The following BAG2 variants were observed in gnomAD, a reference collection of about 807,000 sequenced individuals.
BAG2 encodes the protein BAG family molecular chaperone regulator 2.
Under a neutral mutation model 16.4 loss-of-function variants are expected in BAG2, and 8 were observed. The observed-to-expected ratio is 0.49, with a 90% CI of 0.29 to 0.88. The LOEUF (loss-of-function observed/expected upper bound fraction) is 0.88. BAG2 is among the 40% of genes least tolerant of loss of function. The probability of loss-of-function intolerance (pLI) is 0.09; values close to 1 mark genes in which losing one functional copy is unlikely to be tolerated. For missense variants in BAG2, 218 were observed against 248.9 expected (o/e 0.88, Z 0.84); for synonymous variants, 82 against 89.2 (o/e 0.92, Z 0.46).
chr6:57,173,461 G>A (rs1445097419), intron 1 of BAG2: 2 of 985,210 alleles, frequency 2.0e-6, no homozygotes, highest in African/African-American at 1.7e-5. Context: ...TTCGTCTCTC[G>A]GTATTTATTG....
intron 1 of BAG2, chr6:57,173,315 C>T: frequency 1.0e-6 from 1 of 985,436 alleles, no homozygotes; most frequent in Non-Finnish European, 1.2e-6. Flanking sequence ...AAAACAAAAC[C>T]AACCCAGCAA....
chr6:57,174,862 A>G (rs1333319873), intron 1 of BAG2, among the ~76,000 whole-genome samples: 1 of 152,230 alleles, frequency 6.6e-6, no homozygotes, highest in Non-Finnish European at 1.5e-5. Flanking sequence ...AAAGTAGTGT[A>G]ACTGTGTAGA....
At chr6:57,173,245 G>T (rs765280955) in intron 1 of BAG2, 25 of 986,220 alleles carry the variant, frequency 2.5e-5, no homozygotes, top group Non-Finnish European at 3.0e-5. Context: ...AAGGGAGGCA[G>T]CAGTTTACAG....
rs201626560 is a variant in BAG2, at chr6:57,182,888, T to C, written c.223+747T>C. ...CTGGTCTCAAACTCCTGACCTCAGGTGATCCGCCTGCCTCAGCCTCCCAAA... is the reference window on the plus strand; with the variant it reads ...CTGGTCTCAAACTCCTGACCTCAGGCGATCCGCCTGCCTCAGCCTCCCAAA... On this transcript the variant is annotated intron_variant, in intron 2 of 2. Coordinates refer to ENST00000370693, the MANE Select transcript of BAG2 (RefSeq NM_004282.4). Among the ~76,000 whole-genome samples, 20 of 152,208 alleles carry C rather than the reference T, an allele frequency of 1.3e-4. No homozygotes were observed. The East Asian group carries it at 3.9e-3, about 29-fold the overall frequency.
chr6:57,188,267 A>ATTAT lies in BAG2; in HGVS notation c.*4080_*4083dup, dbSNP rs1281797060. On this transcript the variant is annotated 3_prime_UTR_variant, in exon 3 of 3. Coordinates refer to ENST00000370693, the MANE Select transcript of BAG2 (RefSeq NM_004282.4). ...CATGGCTGACTTTCAGGCCTACTTA[A>ATTAT]TTATTTTAAATGACTAATTATGGTT... is the stretch of plus-strand genomic sequence containing the variant. 5 of 152,262 alleles carry ATTAT rather than the reference A, an allele frequency of 3.3e-5. No homozygotes were observed. The highest frequency in any genetic ancestry group is 3.3e-4 in the Admixed American group (5 of 15,306). 9.4% of individuals were successfully genotyped at this position (152,262 alleles called of 1,614,324 possible). A position where few individuals can be genotyped will look rare whatever the true frequency, so the allele number is the denominator to read the frequency against.
At chr6:57,181,931 G>A in intron 1 of BAG2, 101 bp from the exon 2 acceptor site, 1 of 969,348 alleles carries the variant, frequency 1.0e-6, no homozygotes, top group Non-Finnish European at 1.5e-6. Flanking sequence ...TGAAAAGTTT[G>A]GTGATCTTTA....
At position 57,184,377 on chromosome 6, in the gene BAG2, A is replaced by T. The variant is rs1764560490; in HGVS notation, c.*187A>T. On this transcript the variant is annotated 3_prime_UTR_variant, in exon 3 of 3. Transcript: ENST00000370693. ...TAACAAAACTAGCAATATTTTAATT[A>T]TCTATCTAGAGATTTTTTAGATTGA... 2.1e-6 allele frequency: 1 copy of T among 477,372 alleles called. No homozygotes were observed. Among genetic ancestry groups the T allele is most frequent in the African/African-American group, 2.0e-5 (1 of 49,796 alleles). The allele number at this position is 477,372 out of a possible 1,614,324, so 29.6% of individuals were successfully genotyped here.
rs1319661500 is a variant in BAG2 at position 57,188,909 on chromosome 6, G to C, written c.*4719G>C. 2 of 152,034 alleles carry C rather than the reference G, an allele frequency of 1.3e-5. No homozygotes were observed. The highest frequency in any genetic ancestry group is 1.9e-4 in the East Asian group (1 of 5,202). The allele number at this position is 152,034 out of a possible 1,614,324, so 9.4% of individuals were successfully genotyped here. A position where few individuals can be genotyped will look rare whatever the true frequency, so the allele number is the denominator to read the frequency against. The stretch of plus-strand genomic sequence containing the variant: ...ACATTAGGAGGATGAGGGGAGTACA[G>C]ATGGAAAAACAAAAGATAAAACACA... On this transcript the variant is annotated 3_prime_UTR_variant, in exon 3 of 3. Coordinates refer to ENST00000370693, the MANE Select transcript of BAG2 (RefSeq NM_004282.4).
Position 57,183,880 on chromosome 6 carries a change from C to T in BAG2, c.326C>T (p.Ser109Phe). Reference sequence around the variant, plus strand: ...ATTAGAAACCCCCAGCAGCAAGAATCCCTAAAGCATGCCACAAGGATTATT... The same window carrying T: ...ATTAGAAACCCCCAGCAGCAAGAATTCCTAAAGCATGCCACAAGGATTATT... The part of the protein sequence containing the change: ...ETIRNPQQQE[S>F]LKHATRIIDE... The change falls in exon 3 of 3, where the codon TCC becomes TTC. Residue 109 changes from serine (S) to phenylalanine (F), a missense_variant. Ser to Phe is a radical substitution (Grantham distance 155, BLOSUM62 -2). This residue lies in a region of BAG2 where 113 missense variants were observed against 128.0 expected (regional missense o/e 0.88). Transcript: ENST00000370693. 1 of 1,614,126 alleles carries T rather than the reference C, an allele frequency of 6.2e-7. No homozygotes were observed.
rs1483803148 is a variant in BAG2, at chr6:57,172,628, C to T, written c.-70C>T. The stretch of plus-strand genomic sequence containing the variant: ...CGTGGTGACGGCGACGCCTGCAGCC[C>T]AAGGAGCGCTCCACTCGCTGCCGCC... On this transcript the variant is annotated 5_prime_UTR_variant, in exon 1 of 3. Coordinates refer to ENST00000370693, the MANE Select transcript of BAG2 (RefSeq NM_004282.4). 1.4e-5 allele frequency: 19 copies of T among 1,323,998 alleles called. No individual in the cohort carries two copies. Among genetic ancestry groups the T allele is most frequent in the Admixed American group, 3.1e-5 (1 of 32,708 alleles). The allele number at this position is 1,323,998 out of a possible 1,614,324, so 82.0% of individuals were successfully genotyped here. A position where few individuals can be genotyped will look rare whatever the true frequency, so the allele number is the denominator to read the frequency against.
Position 57,188,923 on chromosome 6 carries a change from A to AGAT in BAG2, c.*4734_*4736dup, listed in dbSNP as rs1446738272. 1.3e-5 allele frequency: 2 copies of AGAT among 152,322 alleles called. No homozygotes were observed. The highest frequency in any genetic ancestry group is 1.9e-4 in the East Asian group (1 of 5,190). The allele number at this position is 152,322 out of a possible 1,614,324, so 9.4% of individuals were successfully genotyped here. On this transcript the variant is annotated 3_prime_UTR_variant, in exon 3 of 3. Coordinates refer to ENST00000370693, the MANE Select transcript of BAG2 (RefSeq NM_004282.4). ...AGGGGAGTACAGATGGAAAAACAAA[A>AGAT]GATAAAACACAAAAGGAGTACATAA...
In BAG2 at chr6:57,184,209, T is replaced by C. The variant is rs1478895919; in HGVS notation, c.*19T>C. The C allele has an allele frequency of 1.3e-6, 2 of 1,519,146 alleles. No homozygotes were observed. Among genetic ancestry groups the C allele is most frequent in the Non-Finnish European group, 1.8e-6 (2 of 1,141,990 alleles). The allele number at this position is 1,519,146 out of a possible 1,614,324, so 94.1% of individuals were successfully genotyped here. A position where few individuals can be genotyped will look rare whatever the true frequency, so the allele number is the denominator to read the frequency against. On this transcript the variant is annotated 3_prime_UTR_variant, in exon 3 of 3. Transcript: ENST00000370693. Reference sequence around the variant, plus strand: ...CAATTAGTCTTCAAACCTAAGAGCATTTACACAATACACAAGGTGTAAAAA... The same window carrying C: ...CAATTAGTCTTCAAACCTAAGAGCACTTACACAATACACAAGGTGTAAAAA...
At chr6:57,181,655 A>G (rs140932073) in intron 1 of BAG2, among the ~76,000 whole-genome samples, 40 of 152,328 alleles carry the variant, frequency 2.6e-4, no homozygotes, top group African/African-American at 8.7e-4. Context: ...AGATTGTGCC[A>G]CTGTGCTCCA....
At chr6:57,181,881 A>C in intron 1 of BAG2, 151 bp from the exon 2 acceptor site, 1 of 631,900 alleles carries the variant, frequency 1.6e-6, no homozygotes, top group South Asian at 2.2e-5. Flanking sequence ...GCAAGTGTAT[A>C]GAAAAATGAA....
chr6:57,174,181 A>G lies in BAG2; in HGVS notation c.113+1371A>G, dbSNP rs1593189167. The stretch of plus-strand genomic sequence containing the variant: ...GGCCTCAGTTACTTGAAGTCCCTCT[A>G]ACTGGTAATGTTTCTTTTTAGGGAG... On this transcript the variant is annotated intron_variant, in intron 1 of 2. Transcript: ENST00000370693. 1.6e-5 allele frequency: 17 copies of G among 1,086,414 alleles called. No individual in the cohort carries two copies. The South Asian group carries it at 3.1e-4, about 20-fold the overall frequency. 67.3% of individuals were successfully genotyped at this position (1,086,414 alleles called of 1,614,324 possible). A position where few individuals can be genotyped will look rare whatever the true frequency, so the allele number is the denominator to read the frequency against.
chr6:57,181,073 G>A (rs1238480145), intron 1 of BAG2, among the ~76,000 whole-genome samples: 1 of 152,202 alleles, frequency 6.6e-6, no homozygotes, highest in East Asian at 1.9e-4. Context: ...TAGAAAGTTG[G>A]AAAATGCAGA....
chr6:57,186,026 T>C lies in BAG2; in HGVS notation c.*1836T>C, dbSNP rs1764603966. The C allele has an allele frequency of 6.6e-6, 1 of 152,154 alleles. No individual in the cohort carries two copies. The highest frequency in any genetic ancestry group is 6.5e-5 in the Admixed American group (1 of 15,278). The allele number at this position is 152,154 out of a possible 1,614,324, so 9.4% of individuals were successfully genotyped here. Reference sequence around the variant, plus strand: ...GCTATGATCCACATTTCCAAGCTGCTTGGGGTCCCTGGTTTACAGTGTCTC... The same window carrying C: ...GCTATGATCCACATTTCCAAGCTGCCTGGGGTCCCTGGTTTACAGTGTCTC... On this transcript the variant is annotated 3_prime_UTR_variant, in exon 3 of 3. Coordinates refer to ENST00000370693, the MANE Select transcript of BAG2 (RefSeq NM_004282.4).
At chr6:57,178,960 C>T (rs1448973246) in intron 1 of BAG2, among the ~76,000 whole-genome samples, 1 of 152,148 alleles carries the variant, frequency 6.6e-6, no homozygotes, top group African/African-American at 2.4e-5. Context: ...ATAAATGAAA[C>T]CTTCCTTTTC....
chr6:57,177,774 T>A (rs1190362306), intron 1 of BAG2, among the ~76,000 whole-genome samples: 1 of 152,216 alleles, frequency 6.6e-6, no homozygotes, highest in Non-Finnish European at 1.5e-5. Flanking sequence ...CAGTTTTCAC[T>A]GCATACTCTA....
Sources: allele counts gnomAD v4.1 joint callset (sites outside exome capture counted in the v4.1 genomes callset), GRCh38; gene constraint gnomAD v4.1.1; regional missense constraint gnomAD v4.1.1; transcripts MANE v1.5; gene names NCBI Gene and HGNC (gene_info 2026-07-23, HGNC 2026-07-21).